The following NDUFC2 variants were observed in gnomAD, a reference collection of about 807,000 sequenced individuals.
NDUFC2 encodes the protein NADH:ubiquinone oxidoreductase subunit C2, also known as NADH dehydrogenase [ubiquinone] 1 subunit C2.
Under a neutral mutation model 10.1 loss-of-function variants are expected in NDUFC2, and 2 were observed. The ratio of observed to expected loss-of-function variants is 0.20; its 90% CI spans 0.08 to 0.62. The LOEUF (loss-of-function observed/expected upper bound fraction) is 0.62, where lower values mean the gene tolerates loss of function less well. Ranked by LOEUF, NDUFC2 falls within the 20% of genes least tolerant of loss-of-function variation. The pLI, the probability that NDUFC2 is intolerant of heterozygous loss-of-function variation, is 0.87. For missense variants in NDUFC2, 156 were observed against 159.6 expected (o/e 0.98, Z 0.12); for synonymous variants, 61 against 63.6 (o/e 0.96, Z 0.20).
chr11:78,072,736 C>G (rs535812931), intron 2 of NDUFC2: 129 of 533,060 alleles, frequency 2.4e-4, no homozygotes, highest in African/African-American at 1.8e-3. Context: ...TCCAGGTGGA[C>G]AGTAGTGCCA....
rs553742449 is a variant in NDUFC2, at chr11:78,069,624, C to G, written c.*363G>C. ...CTTTGCAGGCCATAGGTCTCTATCA[C>G]AACTACTCAATTCTGCTCTTGCAGC... On this transcript the variant is annotated 3_prime_UTR_variant, in exon 3 of 3. Coordinates refer to ENST00000281031, the MANE Select transcript of NDUFC2 (RefSeq NM_004549.6). 1 of 516,448 alleles carries G rather than the reference C, an allele frequency of 1.9e-6. No individual in the cohort carries two copies. Among genetic ancestry groups the G allele is most frequent in the African/African-American group, 2.0e-5 (1 of 51,102 alleles). 32.0% of individuals were successfully genotyped at this position (516,448 alleles called of 1,614,324 possible).
chr11:78,071,835 G>A (rs939115178), intron 2 of NDUFC2, among the ~76,000 whole-genome samples: 1 of 152,138 alleles, frequency 6.6e-6, no homozygotes, highest in East Asian at 1.9e-4. Flanking sequence ...CAGGAAGAAG[G>A]TACAACATGT....
At chr11:78,079,528 A>G (rs1278182965) in intron 1 of NDUFC2, 51 bp downstream of exon 1, 3 of 1,534,268 alleles carry the variant, frequency 2.0e-6, no homozygotes, top group Admixed American at 4.2e-5. Flanking sequence ...GCCAGTCTGC[A>G]GCCCTACGAC....
intron 1 of NDUFC2, among the ~76,000 whole-genome samples, chr11:78,073,774 C>T (rs1220674403): frequency 7.4e-6 from 1 of 135,244 alleles, no homozygotes; most frequent in Non-Finnish European, 1.5e-5. Context: ...TGCACTCCAG[C>T]CTGGGGGACG....
At chr11:78,070,396 C>G (rs1858952069) in intron 2 of NDUFC2, among the ~76,000 whole-genome samples, 1 of 152,116 alleles carries the variant, frequency 6.6e-6, no homozygotes, top group South Asian at 2.1e-4. Flanking sequence ...GACTTCCCAG[C>G]CTCCAGAATT....
intron 1 of NDUFC2, among the ~76,000 whole-genome samples, chr11:78,074,046 C>T (rs1169623564): frequency 8.3e-6 from 1 of 120,558 alleles, no homozygotes; most frequent in East Asian, 2.3e-4. Flanking sequence ...TTCTTTCTTT[C>T]TTTCTTTCTT....
At position 78,069,796 on chromosome 11, in the gene NDUFC2, A is replaced by G. The variant is rs1858913067; in HGVS notation, c.*191T>C. The G allele has an allele frequency of 2.3e-6, 3 of 1,321,804 alleles. No homozygotes were observed. Among genetic ancestry groups the G allele is most frequent in the Non-Finnish European group, 3.2e-6 (3 of 951,854 alleles). The allele number at this position is 1,321,804 out of a possible 1,614,324, so 81.9% of individuals were successfully genotyped here. On this transcript the variant is annotated 3_prime_UTR_variant, in exon 3 of 3. Transcript: ENST00000281031. Reference sequence around the variant, plus strand: ...TAAAATCTTTCAGATGGGTGAATGGAAACTGACCATTCTCTGATGATGAAC... The same window carrying G: ...TAAAATCTTTCAGATGGGTGAATGGGAACTGACCATTCTCTGATGATGAAC...
chr11:78,077,155 G>A (rs1281152984), intron 1 of NDUFC2, among the ~76,000 whole-genome samples: 1 of 152,114 alleles, frequency 6.6e-6, no homozygotes, highest in Non-Finnish European at 1.5e-5. Flanking sequence ...GGCCAGGCCT[G>A]GTGGTATGTA....
rs957582899 is a variant in NDUFC2, at chr11:78,079,667, G to T, written c.78C>A (p.Thr26=). ...AGCCGATGTAGAGGAGCCGCGGGTC[G>T]GTCAGCTTGGGCGGGGGCAGGCTCC... ...EARSLPPPKL[T]DPRLLYIGFL... The change falls in exon 1 of 3, where the codon ACC becomes ACA. Residue 26 remains threonine, a synonymous_variant. Transcript: ENST00000281031. 6.2e-7 allele frequency: 1 copy of T among 1,607,356 alleles called. No homozygotes were observed. Among genetic ancestry groups the T allele is most frequent in the African/African-American group, 1.3e-5 (1 of 74,764 alleles).
intron 1 of NDUFC2, among the ~76,000 whole-genome samples, chr11:78,076,705 T>C (rs1283367371): frequency 6.6e-6 from 1 of 152,180 alleles, no homozygotes; most frequent in Non-Finnish European, 1.5e-5. Flanking sequence ...GTGGAGGTGA[T>C]GTCAAACCCC....
In NDUFC2 at chr11:78,070,740, A is replaced by C. The variant is rs191651680; in HGVS notation, c.311-704T>G. ...AAGGAAGAAATAAACACAGAGGGGC[A>C]CAGGTCAGCTAGGAGAGGCCAACAG... is the stretch of plus-strand genomic sequence containing the variant. On this transcript the variant is annotated intron_variant, in intron 2 of 2. Coordinates refer to ENST00000281031, the MANE Select transcript of NDUFC2 (RefSeq NM_004549.6). Among the ~76,000 whole-genome samples the C allele has an allele frequency of 4.3e-3, 651 of 152,326 alleles. 14 individuals are homozygous for C. Among genetic ancestry groups the C allele is most frequent in the Admixed American group, 0.029 (436 of 15,298 alleles).
intron 1 of NDUFC2, among the ~76,000 whole-genome samples, chr11:78,076,296 C>T (rs575257686): frequency 6.6e-6 from 1 of 152,298 alleles, no homozygotes; most frequent in Non-Finnish European, 1.5e-5. Flanking sequence ...CATGTGCCAT[C>T]ACGCCTGGCT....
intron 1 of NDUFC2, among the ~76,000 whole-genome samples, chr11:78,073,640 A>G (rs1463469728): frequency 6.6e-6 from 1 of 151,806 alleles, no homozygotes; most frequent in Non-Finnish European, 1.5e-5. Context: ...TGTCTCTACT[A>G]AAAATACAAA....
chr11:78,079,177 ATC>A (rs1859398261), intron 1 of NDUFC2, among the ~76,000 whole-genome samples: 1 of 151,492 alleles, frequency 6.6e-6, no homozygotes, highest in South Asian at 2.1e-4. Context: ...GCTGCTGTTA[ATC>A]TGTTAGGCTC....
intron 1 of NDUFC2, among the ~76,000 whole-genome samples, chr11:78,078,765 G>T (rs1319739580): frequency 1.6e-5 from 1 of 64,366 alleles, no homozygotes; most frequent in East Asian, 4.4e-4. Context: ...TCACTTTGTT[G>T]CACAGGTTGG....
At position 78,068,444 on chromosome 11, in the gene NDUFC2, G is replaced by T. The variant is rs567590708; in HGVS notation, c.*1543C>A. 2 of 152,280 alleles carry T rather than the reference G, an allele frequency of 1.3e-5. No homozygotes were observed. The highest frequency in any genetic ancestry group is 4.1e-4 in the South Asian group (2 of 4,826). The allele number at this position is 152,280 out of a possible 1,614,324, so 9.4% of individuals were successfully genotyped here. A position where few individuals can be genotyped will look rare whatever the true frequency, so the allele number is the denominator to read the frequency against. On this transcript the variant is annotated 3_prime_UTR_variant, in exon 3 of 3. Transcript: ENST00000281031. Reference sequence around the variant, plus strand: ...AAGAAAATAGAGACAGAAATCATTTGATTTTGCCCAGAAACCATCTGCTTA... The same window carrying T: ...AAGAAAATAGAGACAGAAATCATTTTATTTTGCCCAGAAACCATCTGCTTA...
At chr11:78,074,765 T>C (rs957500677) in intron 1 of NDUFC2, among the ~76,000 whole-genome samples, 1 of 152,200 alleles carries the variant, frequency 6.6e-6, no homozygotes, top group African/African-American at 2.4e-5. Context: ...GCACTCTCTC[T>C]TACCCCAAAC....
chr11:78,079,672 G>T lies in NDUFC2; in HGVS notation c.73C>A (p.Leu25Met). ...ATGTAGAGGAGCCGCGGGTCGGTCA[G>T]CTTGGGCGGGGGCAGGCTCCGGGCC... ...DEARSLPPPK[L>M]TDPRLLYIGF... Residue 25 changes from leucine to methionine, a missense_variant, in exon 1 of 3, where the codon CTG (leucine) becomes ATG (methionine). Coordinates refer to ENST00000281031, the MANE Select transcript of NDUFC2 (RefSeq NM_004549.6). 1 of 1,608,774 alleles carries T rather than the reference G, an allele frequency of 6.2e-7. No homozygotes were observed. Among genetic ancestry groups the T allele is most frequent in the Non-Finnish European group, 8.5e-7 (1 of 1,177,944 alleles).
At position 78,073,073 on chromosome 11, in the gene NDUFC2, C is replaced by G. The variant is rs771103105; in HGVS notation, c.235G>C (p.Asp79His). The change falls in exon 2 of 3, where the codon GAC becomes CAC. Residue 79 changes from aspartate to histidine, a missense_variant. Coordinates refer to ENST00000281031, the MANE Select transcript of NDUFC2 (RefSeq NM_004549.6). ...CGGTCCCTCACAGCATACAGGTAGTCTTCACGTTTTACAAGATAATATCCA... is the reference window on the plus strand; with the variant it reads ...CGGTCCCTCACAGCATACAGGTAGTGTTCACGTTTTACAAGATAATATCCA... ...FAGYYLVKRE[D>H]YLYAVRDREM... The G allele has an allele frequency of 1.9e-6, 3 of 1,613,912 alleles. No homozygotes were observed. In the South Asian group the frequency reaches 3.3e-5, roughly 18 times the overall value.
Sources: gnomAD v4.1 joint callset for allele counts (sites outside exome capture counted in the v4.1 genomes callset) on GRCh38, gnomAD v4.1.1 for gene constraint, MANE v1.5 for transcripts, NCBI Gene and HGNC (gene_info 2026-07-23, HGNC 2026-07-21) for gene names.